The following MIDN variants were observed in gnomAD, a reference collection of about 807,000 sequenced individuals.
MIDN encodes the protein midnolin, also known as midbrain nucleolar protein.
Under a neutral mutation model 46.1 loss-of-function variants are expected in MIDN, and 26 were observed. That is an observed-to-expected ratio of 0.56 (90% confidence interval 0.41 to 0.78). The LOEUF (loss-of-function observed/expected upper bound fraction) is 0.78, where lower values mean the gene tolerates loss of function less well. Among genes scored for constraint, MIDN ranks in the 30% least tolerant of loss-of-function variants. MIDN has a pLI of 0.00. For missense variants in MIDN, 850 were observed against 771.8 expected, an observed-to-expected ratio of 1.10 and a Z score of -1.20; for synonymous variants, 432 against 343.3, an observed-to-expected ratio of 1.26 and a Z score of -2.86.
chr19:1,256,381 G>A (rs1348468397), intron 8 of MIDN, among the ~76,000 whole-genome samples: 1 of 151,904 alleles, frequency 6.6e-6, no homozygotes, highest in Non-Finnish European at 1.5e-5. Flanking sequence ...TACTCGGGAG[G>A]CTGAGACAGG....
At position 1,250,253 on chromosome 19, in the gene MIDN, A is replaced by T; in HGVS notation, c.-44A>T. The T allele has an allele frequency of 4.7e-6, 4 of 847,794 alleles. No individual in the cohort carries two copies. The African/African-American group carries it at 7.4e-5, about 16-fold the overall frequency. The allele number at this position is 847,794 out of a possible 1,614,324, so 52.5% of individuals were successfully genotyped here. A position where few individuals can be genotyped will look rare whatever the true frequency, so the allele number is the denominator to read the frequency against. ...CCCCTGTCCCGGAGGCGCGGCGAGG[A>T]TTGGCGGCGCCCGCCGCCCCCAGCC... On this transcript the variant is annotated 5_prime_UTR_variant, in exon 2 of 9. Transcript: ENST00000682408.
intron 2 of MIDN, 87 bp from the exon 3 acceptor site, chr19:1,251,475 C>T (rs1373171243): frequency 4.8e-6 from 6 of 1,249,540 alleles, no homozygotes; most frequent in Middle Eastern, 1.9e-4. Context: ...TCTCTCCCCA[C>T]ACAAGCACAG....
Position 1,258,801 on chromosome 19 carries a change from AAG to A in MIDN, c.*1531_*1532del, listed in dbSNP as rs1455733949. On this transcript the variant is annotated 3_prime_UTR_variant, in exon 9 of 9. Transcript: ENST00000682408. ...TTTGTTTTCATTTTTCCAAAAAAAA[AAG>A]AAAAAAAAATAGAAAAAAAAGGAGT... 5.3e-5 allele frequency: 8 copies of A among 152,074 alleles called. No individual in the cohort carries two copies. The highest frequency in any genetic ancestry group is 6.5e-5 in the Admixed American group (1 of 15,274). The allele number at this position is 152,074 out of a possible 1,614,324, so 9.4% of individuals were successfully genotyped here. A position where few individuals can be genotyped will look rare whatever the true frequency, so the allele number is the denominator to read the frequency against.
chr19:1,251,790 C>G, intron 3 of MIDN, 49 bp from the exon 4 acceptor site: 1 of 1,590,056 alleles, frequency 6.3e-7, no homozygotes, highest in Non-Finnish European at 8.6e-7. Flanking sequence ...CTATTCCAGC[C>G]CAGGATTCCG....
In MIDN at chr19:1,250,195, G is replaced by A; in HGVS notation, c.-102G>A. ...CGCGCGCTGCTCCGCGCCCCCGAGT[G>A]CCCGGAGGACCCGGCATCCGGGGAG... On this transcript the variant is annotated 5_prime_UTR_variant, in exon 2 of 9. Transcript: ENST00000682408. 2.8e-6 allele frequency: 1 copy of A among 363,268 alleles called. No individual in the cohort carries two copies. Among genetic ancestry groups the A allele is most frequent in the Non-Finnish European group, 3.8e-6 (1 of 261,424 alleles). 22.5% of individuals were successfully genotyped at this position (363,268 alleles called of 1,614,324 possible). A position where few individuals can be genotyped will look rare whatever the true frequency, so the allele number is the denominator to read the frequency against.
chr19:1,251,024 C>T (rs927009570), intron 2 of MIDN, among the ~76,000 whole-genome samples: 1 of 151,612 alleles, frequency 6.6e-6, no homozygotes, highest in Non-Finnish European at 1.5e-5. Flanking sequence ...TCCGGGGACA[C>T]GCAGTGTCCA....
intron 4 of MIDN, 27 bp downstream of exon 4, chr19:1,251,928 C>T: frequency 6.2e-7 from 1 of 1,602,596 alleles, no homozygotes; most frequent in Non-Finnish European, 8.5e-7. Context: ...CCCTTCCTAA[C>T]AGGGCAGCCC....
chr19:1,254,296 G>A lies in MIDN; in HGVS notation c.643G>A (p.Ala215Thr). The A allele has an allele frequency of 6.4e-7, 1 of 1,569,352 alleles. No homozygotes were observed. The highest frequency in any genetic ancestry group is 1.8e-5 in the Admixed American group (1 of 55,714). ...GCAACACCGCCATGTGCTGGCCGCT[G>A]CGGCCGCCGCCGCTGCTGCGCGGGG... ...PLQHRHVLAAAAAAAAARGDP... is the reference protein window; with the variant it reads ...PLQHRHVLAATAAAAAARGDP... Residue 215 changes from alanine to threonine, a missense_variant, in exon 6 of 9, where the codon GCG (alanine) becomes ACG (threonine). Transcript: ENST00000682408.
chr19:1,254,441 C>T lies in MIDN; in HGVS notation c.788C>T (p.Ser263Phe). 1 of 1,564,702 alleles carries T rather than the reference C, an allele frequency of 6.4e-7. No homozygotes were observed. The highest frequency in any genetic ancestry group is 1.2e-5 in the South Asian group (1 of 86,196). Residue 263 changes from serine (S) to phenylalanine (F), a missense_variant, in exon 6 of 9, where the codon TCC (serine) becomes TTC (phenylalanine). Ser to Phe is a radical substitution (Grantham distance 155). Transcript: ENST00000682408. ...TCTCCCTCGCCCATCACAGCCGGCT[C>T]CTTCCGGTCCCACGCAGCCTCCACC... ...PASPSPITAG[S>F]FRSHAASTTC...
chr19:1,254,216 TG>T lies in MIDN; in HGVS notation c.566del (p.Gly189AlafsTer4). 6.3e-7 allele frequency: 1 copy of T among 1,598,384 alleles called. No homozygotes were observed. Among genetic ancestry groups the T allele is most frequent in the South Asian group, 1.1e-5 (1 of 90,368 alleles). On this transcript the variant is annotated frameshift_variant, in exon 6 of 9. Transcript: ENST00000682408. LOFTEE classifies it high-confidence loss of function. ...TCGCCACTGACACTGGCCTTGCGTG[TG>T]GGCGACCACATGATGTTCGTGCAGC... ...GRSPLTLALRVGDHMMFVQLQ... is the reference protein window; with the variant it reads ...GRSPLTLALRXGDHMMFVQLQ...
At chr19:1,249,792 G>C (rs895195039) in intron 1 of MIDN, 98 bp from the exon 2 acceptor site, 6 of 151,140 alleles carry the variant, frequency 4.0e-5, no homozygotes, top group Middle Eastern at 3.4e-3. Context: ...GCCGGCGCCC[G>C]GCCGGCGGAG....
chr19:1,255,713 G>C lies in MIDN; in HGVS notation c.1258+19G>C, dbSNP rs2081191754. 1 of 1,541,680 alleles carries C rather than the reference G, an allele frequency of 6.5e-7. No individual in the cohort carries two copies. The highest frequency in any genetic ancestry group is 1.9e-5 in the Admixed American group (1 of 53,858). On this transcript the variant is annotated intron_variant, in intron 8 of 8. Transcript: ENST00000682408. ...CCCCCGGGTGAGTGGCCACCCTCGG[G>C]GGTCCTACCTTCCCCGCCCGCCTGG... is the stretch of plus-strand genomic sequence containing the variant.
chr19:1,252,401 G>A (rs1305904014), intron 4 of MIDN, among the ~76,000 whole-genome samples: 1 of 146,960 alleles, frequency 6.8e-6, no homozygotes. Context: ...TCTGGCCTTT[G>A]TTCTCTACCC....
Position 1,256,999 on chromosome 19 carries a change from C to A in MIDN, c.1263C>A (p.Asp421Glu), listed in dbSNP as rs9823. The A allele has an allele frequency of 6.2e-7, 1 of 1,608,680 alleles. No homozygotes were observed. Among genetic ancestry groups the A allele is most frequent in the Admixed American group, 1.7e-5 (1 of 59,960 alleles). Residue 421 changes from aspartate (D) to glutamate (E), a missense_variant, in exon 9 of 9, where the codon GAC (aspartate) becomes GAA (glutamate). Coordinates refer to ENST00000682408, the MANE Select transcript of MIDN (RefSeq NM_001388306.1). ...AGGCCACTACCTCCTTTGCAGGGGACCGGCTTCGGCAGACAGAAAACCGCG... is the reference window on the plus strand; with the variant it reads ...AGGCCACTACCTCCTTTGCAGGGGAACGGCTTCGGCAGACAGAAAACCGCG... ...SQIRMCKPPG[D>E]RLRQTENRAT...
At chr19:1,255,188 C>A in intron 7 of MIDN, 127 bp downstream of exon 7, 2 of 1,236,420 alleles carry the variant, frequency 1.6e-6, no homozygotes, top group Non-Finnish European at 2.2e-6. Flanking sequence ...CTGCTCACTT[C>A]ACATGTCCCC....
Position 1,257,240 on chromosome 19 carries a change from C to G in MIDN, c.1504C>G (p.Pro502Ala). The change falls in exon 9 of 9, where the codon CCT becomes GCT. Residue 502 changes from proline to alanine, a missense_variant. Pro to Ala is a conservative substitution (Grantham distance 27). Transcript: ENST00000682408. ...CTCCGTGTGGAAGCCAGAAGTCAAC[C>G]CTGACATCAAGTCAGAGTTCGTGGT... is the stretch of plus-strand genomic sequence containing the variant. ...EDSVWKPEVN[P>A]DIKSEFVVA 1.2e-6 allele frequency: 2 copies of G among 1,612,168 alleles called. No individual in the cohort carries two copies. Among genetic ancestry groups the G allele is most frequent in the Non-Finnish European group, 1.7e-6 (2 of 1,179,680 alleles).
chr19:1,257,368 C>T lies in MIDN; in HGVS notation c.*96C>T. 2.2e-6 allele frequency: 2 copies of T among 911,988 alleles called. No individual in the cohort carries two copies. Among genetic ancestry groups the T allele is most frequent in the Non-Finnish European group, 3.4e-6 (2 of 580,882 alleles). The allele number at this position is 911,988 out of a possible 1,614,324, so 56.5% of individuals were successfully genotyped here. Reference sequence around the variant, plus strand: ...GAGAACGTGGCCCAGCCCTGGAGGGCAGGCGGCCACTCCCCCAGCCAGAAG... The same window carrying T: ...GAGAACGTGGCCCAGCCCTGGAGGGTAGGCGGCCACTCCCCCAGCCAGAAG... On this transcript the variant is annotated 3_prime_UTR_variant, in exon 9 of 9. Transcript: ENST00000682408.
Position 1,255,432 on chromosome 19 carries a change from C to G in MIDN, c.996C>G (p.His332Gln). 6.3e-7 allele frequency: 1 copy of G among 1,593,742 alleles called. No individual in the cohort carries two copies. Among genetic ancestry groups the G allele is most frequent in the African/African-American group, 1.3e-5 (1 of 74,558 alleles). ...VFSGTFSGTL[H>Q]PNCQDSSGRP... ...CACCTCTGCCCGCAGGCACGCTACA[C>G]CCCAACTGCCAAGACAGCAGCGGGC... The change falls in exon 8 of 9, where the codon CAC becomes CAG. Residue 332 changes from histidine (H) to glutamine (Q), a missense_variant. Physicochemically the swap from His to Gln is conservative, Grantham distance 24. Coordinates refer to ENST00000682408, the MANE Select transcript of MIDN (RefSeq NM_001388306.1).
chr19:1,253,390 C>A (rs78900759), intron 4 of MIDN, among the ~76,000 whole-genome samples: 3,108 of 151,520 alleles, frequency 0.021, 60 homozygotes, highest in Non-Finnish European at 0.033. Context: ...TGAGTCATCC[C>A]AGCCTATGTC....
Sources: allele counts gnomAD v4.1 joint callset (sites outside exome capture counted in the v4.1 genomes callset), GRCh38; gene constraint gnomAD v4.1.1; transcripts MANE v1.5; gene names NCBI Gene and HGNC (gene_info 2026-07-23, HGNC 2026-07-21).